ADCY2: variants seen among roughly 807,000 people sequenced by gnomAD.
The protein encoded by ADCY2 is adenylate cyclase 2.
ADCY2 carries 31 observed loss-of-function variants against 125.2 expected under a neutral mutation model. That is an observed-to-expected ratio of 0.25 (90% CI 0.19 to 0.33). The LOEUF is 0.33. Ranked by LOEUF, ADCY2 falls within the 10% of genes least tolerant of loss-of-function variation. ADCY2 has a pLI of 1.00. For synonymous variants in ADCY2, 512 were observed against 548.4 expected (o/e 0.93, Z 0.93); for missense variants, 904 against 1,418.2 (o/e 0.64, Z 5.82).
At chr5:7,724,929 A>G (rs1741887843) in intron 13 of ADCY2, among the ~76,000 whole-genome samples, 1 of 152,220 alleles carries the variant, frequency 6.6e-6, no homozygotes, top group Admixed American at 6.5e-5. Flanking sequence ...ATTCTTTCAG[A>G]AAAGTCTTAA....
At chr5:7,497,961 A>G (rs1743399140) in intron 2 of ADCY2, among the ~76,000 whole-genome samples, 1 of 152,194 alleles carries the variant, frequency 6.6e-6, no homozygotes, top group Non-Finnish European at 1.5e-5. Context: ...TCTGCAGTGT[A>G]TTCATTGAAA....
intron 10 of ADCY2, among the ~76,000 whole-genome samples, chr5:7,710,464 A>G (rs1216763772): frequency 6.6e-6 from 1 of 152,226 alleles, no homozygotes; most frequent in Admixed American, 6.5e-5. Context: ...AAATTTAGTG[A>G]TGGCATCTGG....
chr5:7,589,517 AAAG>A lies in ADCY2; in HGVS notation c.571-36647_571-36645del, dbSNP rs1218389809. Among the ~76,000 whole-genome samples the A allele has an allele frequency of 4.8e-4, 54 of 112,576 alleles. 1 individual carries two copies. Among genetic ancestry groups the A allele is most frequent in the African/African-American group, 1.4e-3 (48 of 34,024 alleles). The allele number at this position is 112,576 out of a possible 152,430, so 73.9% of individuals were successfully genotyped here. ...AAGAAAGAAAGAAAGAAAGAAAAGA[AAAG>A]AAAGAGAAAGAAAGAAAGGAGGGAG... On this transcript the variant is annotated intron_variant, in intron 3 of 24. Coordinates refer to ENST00000338316, the MANE Select transcript of ADCY2 (RefSeq NM_020546.3).
chr5:7,460,802 G>A (rs910947602), intron 2 of ADCY2, among the ~76,000 whole-genome samples: 17 of 152,314 alleles, frequency 1.1e-4, no homozygotes, highest in Admixed American at 2.6e-4. Context: ...CGAAGGGCAG[G>A]GAGGAGACAC....
At chr5:7,589,534 G>GAA (rs1736779812) in intron 3 of ADCY2, among the ~76,000 whole-genome samples, 2 of 135,136 alleles carry the variant, frequency 1.5e-5, no homozygotes, top group Non-Finnish European at 3.2e-5. Context: ...GAGAAAGAAA[G>GAA]AAAGGAGGGA....
chr5:7,659,570 C>T (rs565106114), intron 4 of ADCY2, among the ~76,000 whole-genome samples: 2 of 152,318 alleles, frequency 1.3e-5, no homozygotes, highest in African/African-American at 4.8e-5. Flanking sequence ...GAGAGTTATA[C>T]TTGCAGTTAG....
intron 4 of ADCY2, among the ~76,000 whole-genome samples, chr5:7,647,653 C>T (rs573312451): frequency 2.0e-5 from 3 of 152,174 alleles, no homozygotes; most frequent in Admixed American, 1.3e-4. Flanking sequence ...AAAATGGCAA[C>T]TAGAGGAAGA....
intron 2 of ADCY2, among the ~76,000 whole-genome samples, chr5:7,505,076 G>C (rs114644163): frequency 0.022 from 3,293 of 151,644 alleles, 141 homozygotes; most frequent in African/African-American, 0.076. Flanking sequence ...TAGAGATGAG[G>C]TTCCATCATA....
intron 3 of ADCY2, among the ~76,000 whole-genome samples, chr5:7,587,926 A>G (rs1002901242): frequency 2.6e-5 from 4 of 152,184 alleles, no homozygotes; most frequent in African/African-American, 9.7e-5. Flanking sequence ...ACAGGCCAAC[A>G]GTCTTATTAA....
At position 7,397,457 on chromosome 5, in the gene ADCY2, T is replaced by G. The variant is rs867506382; in HGVS notation, c.210+951T>G. 5.5e-3 allele frequency among the ~76,000 whole-genome samples: 804 copies of G among 145,972 alleles called. 4 individuals carry two copies. Among genetic ancestry groups the G allele is most frequent in the South Asian group, 0.013 (56 of 4,384 alleles). On this transcript the variant is annotated intron_variant, in intron 1 of 24. Transcript: ENST00000338316. ...TATCCACCAGTGAGTTTTTTTTTTTTTTTTTTTTTTTTTTTTAGTCAGTGG... is the reference window on the plus strand; with the variant it reads ...TATCCACCAGTGAGTTTTTTTTTTTGTTTTTTTTTTTTTTTTAGTCAGTGG...
At chr5:7,471,294 G>T (rs1321718249) in intron 2 of ADCY2, among the ~76,000 whole-genome samples, 1 of 151,676 alleles carries the variant, frequency 6.6e-6, no homozygotes, top group East Asian at 1.9e-4. Flanking sequence ...TTTGGTAGCT[G>T]TTTTCTATTT....
At chr5:7,577,476 A>T (rs937630427) in intron 3 of ADCY2, among the ~76,000 whole-genome samples, 3 of 152,128 alleles carry the variant, frequency 2.0e-5, no homozygotes, top group Admixed American at 6.5e-5. Flanking sequence ...TTTAAAAGGC[A>T]ATGGTGTGTA....
chr5:7,487,264 G>A (rs775460933), intron 2 of ADCY2, among the ~76,000 whole-genome samples: 6 of 152,124 alleles, frequency 3.9e-5, no homozygotes, highest in Non-Finnish European at 8.8e-5. Flanking sequence ...GTGCCTGCTT[G>A]TCATGCTATG....
chr5:7,587,050 C>T (rs952224902), intron 3 of ADCY2, among the ~76,000 whole-genome samples: 4 of 152,118 alleles, frequency 2.6e-5, no homozygotes, highest in African/African-American at 9.7e-5. Flanking sequence ...TACAGGTGAA[C>T]AGTTTGAGGC....
At chr5:7,716,333 G>A (rs1741590553) in intron 11 of ADCY2, among the ~76,000 whole-genome samples, 1 of 152,126 alleles carries the variant, frequency 6.6e-6, no homozygotes, top group Admixed American at 6.6e-5. Context: ...ACACGAAAAA[G>A]GAATGACTAT....
intron 18 of ADCY2, among the ~76,000 whole-genome samples, chr5:7,774,856 T>A (rs990838661): frequency 6.6e-6 from 1 of 152,158 alleles, no homozygotes; most frequent in Admixed American, 6.5e-5. Context: ...TTTAAAAAAA[T>A]TTTGTGGATA....
intron 12 of ADCY2, among the ~76,000 whole-genome samples, chr5:7,723,180 A>G (rs1043018325): frequency 9.2e-5 from 14 of 152,108 alleles, no homozygotes; most frequent in African/African-American, 3.1e-4. Flanking sequence ...AGGATCAGCA[A>G]AAATAACTAA....
intron 4 of ADCY2, among the ~76,000 whole-genome samples, chr5:7,689,308 T>C (rs1740628862): frequency 1.3e-5 from 2 of 152,112 alleles, no homozygotes; most frequent in Admixed American, 1.3e-4. Context: ...GAGCAGTCTC[T>C]GCAGCCTTCT....
At chr5:7,537,940 G>T (rs75974893) in intron 3 of ADCY2, among the ~76,000 whole-genome samples, 1 of 152,032 alleles carries the variant, frequency 6.6e-6, no homozygotes, top group African/African-American at 2.4e-5. Context: ...CTGTCACCTG[G>T]CCAGTGCCTA....
Sources: allele counts gnomAD v4.1 joint callset (sites outside exome capture counted in the v4.1 genomes callset), GRCh38; gene constraint gnomAD v4.1.1; transcripts MANE v1.5; gene names NCBI Gene and HGNC (gene_info 2026-07-23, HGNC 2026-07-21).